The following PGLYRP4 variants were observed in gnomAD, a reference collection of about 807,000 sequenced individuals.
PGLYRP4 encodes peptidoglycan recognition protein 4.
Under a neutral mutation model 41.2 loss-of-function variants are expected in PGLYRP4, and 39 were observed. The observed-to-expected ratio is 0.95, with a 90% CI of 0.73 to 1.24. The LOEUF (loss-of-function observed/expected upper bound fraction) is 1.24. Among genes scored for constraint, PGLYRP4 ranks in the 50% most tolerant of loss-of-function variants. The pLI is 0.00. For synonymous variants in PGLYRP4, 202 were observed against 186.8 expected (o/e 1.08, Z -0.66); for missense variants, 467 against 460.7 (o/e 1.01, Z -0.13).
chr1:153,346,486 A>G (rs1661015295), intron 2 of PGLYRP4, among the ~76,000 whole-genome samples: 1 of 151,836 alleles, frequency 6.6e-6, no homozygotes, highest in Non-Finnish European at 1.5e-5. Flanking sequence ...GGGAAAAAAA[A>G]AAAACTAGAA....
chr1:153,338,223 G>A (rs114887071), intron 7 of PGLYRP4, among the ~76,000 whole-genome samples: 3,512 of 152,154 alleles, frequency 0.023, 118 homozygotes, highest in African/African-American at 0.074. Flanking sequence ...TCATCCACTC[G>A]TTAACCCAGG....
intron 8 of PGLYRP4, 52 bp downstream of exon 8, chr1:153,337,129 G>T: frequency 8.1e-7 from 1 of 1,229,056 alleles, no homozygotes; most frequent in South Asian, 1.2e-5. Context: ...CATGTCAGAT[G>T]CTCTCTTTCA....
chr1:153,331,030 C>A, intron 8 of PGLYRP4, 85 bp from the exon 9 acceptor site: 1 of 1,129,264 alleles, frequency 8.9e-7, no homozygotes, highest in South Asian at 1.7e-5. Flanking sequence ...CCCTCATCAC[C>A]AAGCTAATAG....
Position 153,330,759 on chromosome 1 carries a change from G to A in PGLYRP4, c.*8C>T. 6.2e-7 allele frequency: 1 copy of A among 1,610,834 alleles called. No individual in the cohort carries two copies. Among genetic ancestry groups the A allele is most frequent in the Non-Finnish European group, 8.5e-7 (1 of 1,177,586 alleles). Reference sequence around the variant, plus strand: ...GGAAAGCAGTCTCAGAAGGACCTGGGGCTTCTCTCAGTGTTTGAAATGAGG... The same window carrying A: ...GGAAAGCAGTCTCAGAAGGACCTGGAGCTTCTCTCAGTGTTTGAAATGAGG... On this transcript the variant is annotated 3_prime_UTR_variant, in exon 9 of 9. Coordinates refer to ENST00000359650, the MANE Select transcript of PGLYRP4 (RefSeq NM_020393.4).
At chr1:153,331,509 C>A (rs55904028) in intron 8 of PGLYRP4, 2 of 152,368 alleles carry the variant, frequency 1.3e-5, no homozygotes, top group African/African-American at 2.4e-5. Context: ...GACCCAATGC[C>A]CATTTTAGTA....
At position 153,345,293 on chromosome 1, in the gene PGLYRP4, T is replaced by G. The variant is rs757466068; in HGVS notation, c.229A>C (p.Asn77His). ...GCSIQLTTPVNVLVIHHVPGL... is the reference protein window; with the variant it reads ...GCSIQLTTPVHVLVIHHVPGL... ...GGGACATGGTGTATAACAAGGACATTCACTGGCGTGGTCAGCTGAATACTG... is the reference window on the plus strand; with the variant it reads ...GGGACATGGTGTATAACAAGGACATGCACTGGCGTGGTCAGCTGAATACTG... The change falls in exon 4 of 9, where the codon AAT (asparagine) becomes CAT (histidine). Residue 77 changes from asparagine (N) to histidine (H), a missense_variant. Asn to His is a moderately conservative substitution (Grantham distance 68). Transcript: ENST00000359650. 6.2e-7 allele frequency: 1 copy of G among 1,614,038 alleles called. No homozygotes were observed. The highest frequency in any genetic ancestry group is 8.5e-7 in the Non-Finnish European group (1 of 1,180,024).
At chr1:153,335,904 A>C (rs2771121) in intron 8 of PGLYRP4, among the ~76,000 whole-genome samples, 129,198 of 152,086 alleles carry the variant, frequency 0.85, 54,914 homozygotes, top group Middle Eastern at 0.87. Flanking sequence ...AATAGTATCA[A>C]CCCAAAGAAA....
At chr1:153,340,180 T>C (rs1660734001) in intron 7 of PGLYRP4, among the ~76,000 whole-genome samples, 1 of 152,162 alleles carries the variant, frequency 6.6e-6, no homozygotes, top group Non-Finnish European at 1.5e-5. Context: ...CTTGAGAACA[T>C]GTTTGGGCAA....
At chr1:153,338,884 T>C (rs1038691224) in intron 7 of PGLYRP4, among the ~76,000 whole-genome samples, 2 of 152,184 alleles carry the variant, frequency 1.3e-5, no homozygotes, top group African/African-American at 4.8e-5. Flanking sequence ...CTTATTTGTT[T>C]GAATTACTTT....
chr1:153,348,292 A>T (rs1485779065), intron 1 of PGLYRP4, among the ~76,000 whole-genome samples: 1 of 152,224 alleles, frequency 6.6e-6, no homozygotes, highest in Non-Finnish European at 1.5e-5. Context: ...CCATTTTTAC[A>T]GACAAAGGAA....
In PGLYRP4 at chr1:153,345,145, G is replaced by A. The variant is rs201774286; in HGVS notation, c.353+24C>T. 5.6e-4 allele frequency: 889 copies of A among 1,576,146 alleles called. 1 individual carries two copies. The highest frequency in any genetic ancestry group is 1.1e-3 in the Middle Eastern group (6 of 5,708). On this transcript the variant is annotated intron_variant, in intron 4 of 8. Transcript: ENST00000359650. ...AGGGAAGCAACACTGACCATGTGCC[G>A]TGGGACCCAGACCCAGCTCTTACTT...
intron 7 of PGLYRP4, among the ~76,000 whole-genome samples, chr1:153,338,047 C>T (rs1167357709): frequency 6.6e-6 from 1 of 152,202 alleles, no homozygotes; most frequent in Non-Finnish European, 1.5e-5. Context: ...CTAACCCATC[C>T]ACTTCCTTGG....
intron 8 of PGLYRP4, among the ~76,000 whole-genome samples, chr1:153,336,308 T>C (rs558195858): frequency 1.5e-5 from 2 of 133,394 alleles, no homozygotes; most frequent in East Asian, 2.2e-4. Flanking sequence ...GAGGCGGAGG[T>C]TTCAGTAAGC....
At position 153,345,290 on chromosome 1, in the gene PGLYRP4, C is replaced by T; in HGVS notation, c.232G>A (p.Val78Ile). 1 of 1,614,188 alleles carries T rather than the reference C, an allele frequency of 6.2e-7. No individual in the cohort carries two copies. The highest frequency in any genetic ancestry group is 2.2e-5 in the East Asian group (1 of 44,888). Residue 78 changes from valine (V) to isoleucine (I), a missense_variant, in exon 4 of 9, where the codon GTC becomes ATC. Val to Ile is a conservative substitution (Grantham distance 29). Coordinates refer to ENST00000359650, the MANE Select transcript of PGLYRP4 (RefSeq NM_020393.4). The part of the protein sequence containing the change: ...CSIQLTTPVN[V>I]LVIHHVPGLE... ...CCAGGGACATGGTGTATAACAAGGA[C>T]ATTCACTGGCGTGGTCAGCTGAATA...
At chr1:153,345,934 A>G (rs1429940773) in intron 3 of PGLYRP4, among the ~76,000 whole-genome samples, 168 bp downstream of exon 3, 1 of 152,086 alleles carries the variant, frequency 6.6e-6, no homozygotes, top group African/African-American at 2.4e-5. Context: ...TTCCATCCCA[A>G]GGACCTGGGT....
In PGLYRP4 at chr1:153,330,618, G is replaced by C; in HGVS notation, c.*149C>G. 1 of 595,484 alleles carries C rather than the reference G, an allele frequency of 1.7e-6. No individual in the cohort carries two copies. 36.9% of individuals were successfully genotyped at this position (595,484 alleles called of 1,614,324 possible). ...AGGCCCTTGGAGGATGTTGGCAGGA[G>C]AGGGCATGATCATCCCAACCTGAAA... On this transcript the variant is annotated 3_prime_UTR_variant, in exon 9 of 9. Transcript: ENST00000359650.
chr1:153,345,352 G>C lies in PGLYRP4; in HGVS notation c.170C>G (p.Ser57Cys), dbSNP rs1200175709. Reference protein sequence around the residue: ...GLPTDVSTTVSRKAWGAEAVG... With the variant: ...GLPTDVSTTVCRKAWGAEAVG... ...AGCTTCTGCCCCCCATGCCTTGCGA[G>C]AGACCGTGGTGGAGACATCTGTGGG... Residue 57 changes from serine (S) to cysteine (C), a missense_variant, in exon 4 of 9, where the codon TCT becomes TGT. Physicochemically the swap from Ser to Cys is moderately radical, Grantham distance 112 (BLOSUM62 -1). Transcript: ENST00000359650. 3.1e-6 allele frequency: 5 copies of C among 1,614,194 alleles called. No individual in the cohort carries two copies. Among genetic ancestry groups the C allele is most frequent in the African/African-American group, 2.7e-5 (2 of 75,048 alleles).
chr1:153,336,447 G>A lies in PGLYRP4; in HGVS notation c.943+734C>T, dbSNP rs1474411508. Among the ~76,000 whole-genome samples the A allele has an allele frequency of 2.0e-5, 3 of 150,504 alleles. No individual in the cohort carries two copies. The East Asian group carries it at 5.8e-4, about 29-fold the overall frequency. On this transcript the variant is annotated intron_variant, in intron 8 of 8. Transcript: ENST00000359650. ...TTTTACAGCAACATAAGTGGAAATG[G>A]AGGCCATATTCCTAAGTGAAATGAC... is the stretch of plus-strand genomic sequence containing the variant.
chr1:153,341,906 G>T, intron 5 of PGLYRP4, 127 bp from the exon 6 acceptor site: 1 of 813,406 alleles, frequency 1.2e-6, no homozygotes, highest in Non-Finnish European at 1.9e-6. Context: ...AACAGGTTAT[G>T]CCCCCAGTTG....
Sources: allele counts gnomAD v4.1 joint callset (sites outside exome capture counted in the v4.1 genomes callset), GRCh38; gene constraint gnomAD v4.1.1; transcripts MANE v1.5; gene names NCBI Gene and HGNC (gene_info 2026-07-23, HGNC 2026-07-21).